The following IST1 variants were observed in gnomAD, a reference collection of about 807,000 sequenced individuals.
The protein encoded by IST1 is IST1 homolog.
Under a neutral mutation model 37.0 loss-of-function variants are expected in IST1, and 23 were observed. That is an observed-to-expected ratio of 0.62 (90% CI 0.45 to 0.88). IST1 has a LOEUF of 0.88. Among genes scored for constraint, IST1 ranks in the 40% least tolerant of loss-of-function variants. IST1 has a pLI of 0.00. For synonymous variants in IST1, 180 were observed against 161.7 expected, an observed-to-expected ratio of 1.11 and a Z score of -0.86; for missense variants, 488 against 445.4, an observed-to-expected ratio of 1.10 and a Z score of -0.86.
chr16:71,911,710 A>AT lies in IST1; in HGVS notation c.-15-3892dup, dbSNP rs550809762. ...CTTCAGGATAGACATTTAAACTTCG[A>AT]TTTTTTTTTTTTTTTTTTTTTTTTG... is the stretch of plus-strand genomic sequence containing the variant. On this transcript the variant is annotated intron_variant, in intron 1 of 9. Coordinates refer to ENST00000378799, the MANE Select transcript of IST1 (RefSeq NM_001270975.2). 4.5e-3 allele frequency among the ~76,000 whole-genome samples: 411 copies of AT among 90,832 alleles called. 1 individual carries two copies. The highest frequency in any genetic ancestry group is 6.8e-3 in the Middle Eastern group (1 of 148). 59.6% of individuals were successfully genotyped at this position (90,832 alleles called of 152,430 possible).
chr16:71,924,666 C>T (rs1039854611), intron 8 of IST1, 103 bp from the exon 9 acceptor site: 1 of 850,896 alleles, frequency 1.2e-6, no homozygotes, highest in African/African-American at 1.7e-5. Context: ...GGCTCTGTTG[C>T]ATTTGGTGAG....
intron 1 of IST1, among the ~76,000 whole-genome samples, chr16:71,898,133 G>A (rs1225890572): frequency 6.6e-6 from 1 of 152,046 alleles, no homozygotes; most frequent in African/African-American, 2.4e-5. Flanking sequence ...CCAGCACTTT[G>A]GGAGGCTGAG....
intron 8 of IST1, 186 bp downstream of exon 8, chr16:71,923,566 T>G (rs1189375127): frequency 6.7e-6 from 3 of 447,026 alleles, no homozygotes; most frequent in South Asian, 3.1e-5. Flanking sequence ...GATGGCAGTA[T>G]CATTGGTGGC....
rs754549794 is a variant in IST1 at position 71,922,588 on chromosome 16, G to A, written c.667G>A (p.Gly223Arg). Residue 223 changes from glycine (G) to arginine (R), a missense_variant, in exon 7 of 10, where the codon GGA becomes AGA. By Grantham distance (125) the Gly-to-Arg change is moderately radical. Around this residue, in one of 2 missense-constraint regions of IST1, gnomAD observed 455 missense variants for 386.2 expected, o/e 1.18. Transcript: ENST00000378799. ...GSGGFTAPVGGPDGTVPMPMP... is the reference protein window; with the variant it reads ...GSGGFTAPVGRPDGTVPMPMP... ...TGGTGGCTTCACAGCACCAGTTGGTGGACCTGATGGAACGGTGCCAATGCC... is the reference window on the plus strand; with the variant it reads ...TGGTGGCTTCACAGCACCAGTTGGTAGACCTGATGGAACGGTGCCAATGCC... 1.2e-6 allele frequency: 2 copies of A among 1,612,708 alleles called. No homozygotes were observed. The highest frequency in any genetic ancestry group is 1.3e-5 in the African/African-American group (1 of 74,606).
chr16:71,914,775 G>A (rs561947184), intron 1 of IST1, among the ~76,000 whole-genome samples: 6 of 152,196 alleles, frequency 3.9e-5, no homozygotes, highest in African/African-American at 1.2e-4. Flanking sequence ...CTGTTCTTCA[G>A]TTACTTTGTT....
At chr16:71,900,166 CAAA>C (rs59470234) in intron 1 of IST1, among the ~76,000 whole-genome samples, 2 of 126,774 alleles carry the variant, frequency 1.6e-5, no homozygotes, top group Non-Finnish European at 1.7e-5. Flanking sequence ...AACTCGGTCT[CAAA>C]AAAAAAAAAA....
intron 1 of IST1, among the ~76,000 whole-genome samples, chr16:71,910,688 T>A (rs906426216): frequency 1.3e-5 from 2 of 151,834 alleles, no homozygotes; most frequent in South Asian, 4.1e-4. Context: ...TCCACTAGGG[T>A]CTTGAAACGT....
chr16:71,923,338 TC>T lies in IST1; in HGVS notation c.811del (p.His271IlefsTer15), dbSNP rs756634166. 4 of 1,612,680 alleles carry T rather than the reference TC, an allele frequency of 2.5e-6. No individual in the cohort carries two copies. The African/African-American group carries it at 5.3e-5, about 22-fold the overall frequency. ...GGACTTATCAGGCCTTTCCCAATAT[TC>T]ATCCACCTCAGATACCAGCAACTCC... ...MGTYQAFPNI[H>X]PPQIPATPPS... On this transcript the variant is annotated frameshift_variant, in exon 8 of 10. Transcript: ENST00000378799. LOFTEE classifies it high-confidence loss of function.
Position 71,930,345 on chromosome 16 carries a change from T to C in IST1, c.*2532T>C. ...TAATAAGAAGGAAAATACTTTTAAA[T>C]GGACAGAAGAGCAGGAATGACTCAT... On this transcript the variant is annotated 3_prime_UTR_variant, in exon 10 of 10. Transcript: ENST00000378799. 1 of 635,090 alleles carries C rather than the reference T, an allele frequency of 1.6e-6. No individual in the cohort carries two copies. The highest frequency in any genetic ancestry group is 2.4e-6 in the Non-Finnish European group (1 of 411,740). 39.3% of individuals were successfully genotyped at this position (635,090 alleles called of 1,614,324 possible). A position where few individuals can be genotyped will look rare whatever the true frequency, so the allele number is the denominator to read the frequency against.
intron 9 of IST1, among the ~76,000 whole-genome samples, chr16:71,926,682 A>G (rs906064391): frequency 3.3e-5 from 5 of 151,476 alleles, no homozygotes; most frequent in Non-Finnish European, 5.9e-5. Flanking sequence ...AGACAATTCC[A>G]CTCTCTGATC....
rs1347013215 is a variant in IST1, at chr16:71,930,183, C to T, written c.*2370C>T. The T allele has an allele frequency of 3.2e-6, 5 of 1,538,616 alleles. No individual in the cohort carries two copies. Among genetic ancestry groups the T allele is most frequent in the Non-Finnish European group, 4.4e-6 (5 of 1,142,152 alleles). ...CCCAGGACTGGGTCTAAAGCGAAAA[C>T]CTGGGAAAACAATAAGAACACTTGC... On this transcript the variant is annotated 3_prime_UTR_variant, in exon 10 of 10. Transcript: ENST00000378799.
chr16:71,927,516 GGTTTTCTCCTGT>G (rs2037773839), intron 9 of IST1, 86 bp from the exon 10 acceptor site: 16 of 873,444 alleles, frequency 1.8e-5, no homozygotes, highest in Non-Finnish European at 2.9e-5. Context: ...TGTGAACTAA[GGTTTTCTCCTGT>G]GTTTTGATCA....
At chr16:71,921,569 A>T in intron 6 of IST1, 116 bp downstream of exon 6, 1 of 651,162 alleles carries the variant, frequency 1.5e-6, no homozygotes, top group South Asian at 1.8e-5. Flanking sequence ...GCCTTTGTCC[A>T]GTTAGTACCT....
At chr16:71,912,717 A>G (rs1291886571) in intron 1 of IST1, among the ~76,000 whole-genome samples, 3 of 152,276 alleles carry the variant, frequency 2.0e-5, no homozygotes, top group East Asian at 1.9e-4. Context: ...ATAAACTTTC[A>G]TCTTTCAAAA....
chr16:71,917,369 G>T (rs2037487825), intron 4 of IST1, among the ~76,000 whole-genome samples: 1 of 152,068 alleles, frequency 6.6e-6, no homozygotes, highest in Non-Finnish European at 1.5e-5. Context: ...CTCCAGTTTT[G>T]TCTTAATGTT....
chr16:71,922,504 CTTA>C lies in IST1; in HGVS notation c.586_588del (p.Ile196del). The C allele has an allele frequency of 6.2e-7, 1 of 1,614,094 alleles. No individual in the cohort carries two copies. Among genetic ancestry groups the C allele is most frequent in the Non-Finnish European group, 8.5e-7 (1 of 1,180,016 alleles). The stretch of plus-strand genomic sequence containing the variant: ...AGCTCCTCCTGGGGTAGAGACAGAT[CTTA>C]TTGATGTTGGATTCACAGATGATGT... On this transcript the variant is annotated inframe_deletion, in exon 7 of 10. Transcript: ENST00000378799.
chr16:71,927,614 G>T lies in IST1; in HGVS notation c.902G>T (p.Gly301Val), dbSNP rs765193598. ...ACGTTGTGCTCCTTGCCCTAATTAGGTCCTGGACCCAAGCCAGAAGCCTCT... is the reference window on the plus strand; with the variant it reads ...ACGTTGTGCTCCTTGCCCTAATTAGTTCCTGGACCCAAGCCAGAAGCCTCT... ...DKNISSAQIV[G>V]PGPKPEASAK... Residue 301 changes from glycine to valine, a missense_variant and splice_region_variant, in exon 10 of 10, where the codon GGT (glycine) becomes GTT (valine). Coordinates refer to ENST00000378799, the MANE Select transcript of IST1 (RefSeq NM_001270975.2). 5.6e-6 allele frequency: 9 copies of T among 1,612,464 alleles called. No individual in the cohort carries two copies. Among genetic ancestry groups the T allele is most frequent in the Middle Eastern group, 1.6e-4 (1 of 6,076 alleles).
In IST1 at chr16:71,922,696, T is replaced by C. The variant is rs1050672254; in HGVS notation, c.759+16T>C. 1 of 1,491,782 alleles carries C rather than the reference T, an allele frequency of 6.7e-7. No individual in the cohort carries two copies. Among genetic ancestry groups the C allele is most frequent in the Non-Finnish European group, 9.2e-7 (1 of 1,085,084 alleles). 92.4% of individuals were successfully genotyped at this position (1,491,782 alleles called of 1,614,324 possible). ...AAAGGGACCAGTAAGTATATATAAG[T>C]GTGGATGTAAGCTTTAGAAAATGTT... On this transcript the variant is annotated intron_variant, in intron 7 of 9. Coordinates refer to ENST00000378799, the MANE Select transcript of IST1 (RefSeq NM_001270975.2).
intron 9 of IST1, among the ~76,000 whole-genome samples, chr16:71,926,891 C>A (rs1292208992): frequency 2.0e-5 from 3 of 152,010 alleles, no homozygotes; most frequent in African/African-American, 7.2e-5. Context: ...AAATACAGAT[C>A]AGACTATTAT....
Sources: allele counts gnomAD v4.1 joint callset (sites outside exome capture counted in the v4.1 genomes callset), GRCh38; gene constraint gnomAD v4.1.1; regional missense constraint gnomAD v4.1.1; transcripts MANE v1.5; gene names NCBI Gene and HGNC (gene_info 2026-07-23, HGNC 2026-07-21).